Variants in E2F3 observed in about 807,000 individuals in gnomAD.
The protein encoded by E2F3 is E2F transcription factor 3, also known as transcription factor E2F3.
A neutral mutation model predicts 44.4 loss-of-function variants in E2F3; 11 were observed. The observed-to-expected ratio is 0.25, with a 90% CI of 0.16 to 0.41. The LOEUF (loss-of-function observed/expected upper bound fraction) is 0.41. Ranked by LOEUF, E2F3 falls within the 10% of genes least tolerant of loss-of-function variation. E2F3 has a pLI of 1.00. For synonymous variants in E2F3, 249 were observed against 253.0 expected (o/e 0.98, Z 0.15); for missense variants, 487 against 583.6 (o/e 0.83, Z 1.70).
intron 1 of E2F3, chr6:20,403,720 C>G: frequency 8.4e-7 from 1 of 1,186,990 alleles, no homozygotes; most frequent in East Asian, 3.1e-5. Context: ...CCCACCGGCG[C>G]CCGCCCTCGC....
chr6:20,471,537 C>A (rs1761889947), intron 1 of E2F3, among the ~76,000 whole-genome samples: 1 of 152,086 alleles, frequency 6.6e-6, no homozygotes, highest in South Asian at 2.1e-4. Context: ...GTGGAGACTG[C>A]ACCATTGCAC....
intron 1 of E2F3, among the ~76,000 whole-genome samples, chr6:20,477,015 A>T (rs1042853605): frequency 6.6e-6 from 1 of 152,224 alleles, no homozygotes; most frequent in African/African-American, 2.4e-5. Context: ...GAAACAGATG[A>T]AATAATTTTA....
intron 1 of E2F3, among the ~76,000 whole-genome samples, chr6:20,419,007 T>G (rs1420246671): frequency 6.6e-6 from 1 of 152,196 alleles, no homozygotes; most frequent in Non-Finnish European, 1.5e-5. Context: ...CTTTCCTTTT[T>G]ATAATCATTT....
intron 1 of E2F3, among the ~76,000 whole-genome samples, chr6:20,433,076 A>G (rs771013198): frequency 1.8e-4 from 28 of 152,176 alleles, no homozygotes; most frequent in Non-Finnish European, 3.2e-4. Context: ...AGTGCCCACA[A>G]TGTTGCCCGA....
At chr6:20,403,558 G>A (rs1193962428) in intron 1 of E2F3, 2 of 445,658 alleles carry the variant, frequency 4.5e-6, no homozygotes, top group Admixed American at 4.6e-5. Flanking sequence ...ACGCGCCTGT[G>A]ACTGGGGAGG....
chr6:20,468,705 C>T (rs977883890), intron 1 of E2F3, among the ~76,000 whole-genome samples: 3 of 152,162 alleles, frequency 2.0e-5, no homozygotes, highest in African/African-American at 7.2e-5. Flanking sequence ...TTCCAGTGAC[C>T]ATTGTCCATC....
chr6:20,492,982 C>T lies in E2F3; in HGVS notation c.*2552C>T, dbSNP rs145742366. On this transcript the variant is annotated 3_prime_UTR_variant, in exon 7 of 7. Coordinates refer to ENST00000346618, the MANE Select transcript of E2F3 (RefSeq NM_001949.5). ...GTTACAAGTGTGCAAATTATGACTG[C>T]GTGAGCCTTAGAAAATAAAATGTAT... The T allele has an allele frequency of 5.3e-4, 114 of 214,476 alleles. No homozygotes were observed. The highest frequency in any genetic ancestry group is 2.4e-3 in the African/African-American group (106 of 44,394). 13.3% of individuals were successfully genotyped at this position (214,476 alleles called of 1,614,324 possible).
At chr6:20,463,546 C>A (rs373655736) in intron 1 of E2F3, among the ~76,000 whole-genome samples, 25 of 152,120 alleles carry the variant, frequency 1.6e-4, no homozygotes, top group African/African-American at 6.0e-4. Context: ...GTGAAGAATT[C>A]TTTCGGCTTT....
At chr6:20,466,706 G>A (rs1473486812) in intron 1 of E2F3, among the ~76,000 whole-genome samples, 10 of 147,308 alleles carry the variant, frequency 6.8e-5, no homozygotes, top group South Asian at 2.2e-4. Flanking sequence ...TTTTTGAGAC[G>A]GAGTCTGGCT....
intron 1 of E2F3, among the ~76,000 whole-genome samples, chr6:20,475,567 A>C (rs1440534005): frequency 6.6e-6 from 1 of 152,044 alleles, no homozygotes; most frequent in Non-Finnish European, 1.5e-5. Flanking sequence ...TCCAGGCTGG[A>C]TTGCGGAGGC....
Position 20,491,588 on chromosome 6 carries a change from CA to C in E2F3, c.*1159del, listed in dbSNP as rs1043404996. 2.5e-5 allele frequency: 5 copies of C among 202,664 alleles called. No homozygotes were observed. Among genetic ancestry groups the C allele is most frequent in the African/African-American group, 1.1e-4 (5 of 43,534 alleles). 12.6% of individuals were successfully genotyped at this position (202,664 alleles called of 1,614,324 possible). On this transcript the variant is annotated 3_prime_UTR_variant, in exon 7 of 7. Coordinates refer to ENST00000346618, the MANE Select transcript of E2F3 (RefSeq NM_001949.5). ...CCTTGGGCTTCCCGGGCCCCTGTGA[CA>C]GGGGAAAGGGCTCTCTTACACCGCA...
In E2F3 at chr6:20,450,751, A is replaced by G. The variant is rs534818986; in HGVS notation, c.394-29095A>G. ...CTTGGTTGTCTTCCCGGGTTTTTAT[A>G]AAAGTTTTGGATTTTACACTTACCT... On this transcript the variant is annotated intron_variant, in intron 1 of 6. Coordinates refer to ENST00000346618, the MANE Select transcript of E2F3 (RefSeq NM_001949.5). Among the ~76,000 whole-genome samples, 17 of 152,194 alleles carry G rather than the reference A, an allele frequency of 1.1e-4. No individual in the cohort carries two copies. The East Asian group carries it at 3.3e-3, about 29-fold the overall frequency.
chr6:20,461,030 G>A lies in E2F3; in HGVS notation c.394-18816G>A, dbSNP rs540787932. Reference sequence around the variant, plus strand: ...AAAAAAAAAAAAAAAAAAAAGCCATGTATATTTTAAATATTAACACTGCCA... The same window carrying A: ...AAAAAAAAAAAAAAAAAAAAGCCATATATATTTTAAATATTAACACTGCCA... On this transcript the variant is annotated intron_variant, in intron 1 of 6. Transcript: ENST00000346618. 5.2e-5 allele frequency among the ~76,000 whole-genome samples: 7 copies of A among 135,272 alleles called. 1 individual carries two copies. Among genetic ancestry groups the A allele is most frequent in the South Asian group, 4.8e-4 (2 of 4,178 alleles). The allele number at this position is 135,272 out of a possible 152,430, so 88.7% of individuals were successfully genotyped here.
At chr6:20,434,774 G>A (rs776874800) in intron 1 of E2F3, among the ~76,000 whole-genome samples, 1 of 152,164 alleles carries the variant, frequency 6.6e-6, no homozygotes, top group Non-Finnish European at 1.5e-5. Context: ...GCTTTATAAT[G>A]CCTGTGGTCA....
chr6:20,447,167 G>GTTTA (rs901946794), intron 1 of E2F3, among the ~76,000 whole-genome samples: 1 of 152,184 alleles, frequency 6.6e-6, no homozygotes, highest in Non-Finnish European at 1.5e-5. Flanking sequence ...CGTTTGTCCT[G>GTTTA]TTTAGTGTCA....
At chr6:20,447,587 G>A (rs1185248724) in intron 1 of E2F3, among the ~76,000 whole-genome samples, 1 of 151,840 alleles carries the variant, frequency 6.6e-6, no homozygotes, top group Non-Finnish European at 1.5e-5. Flanking sequence ...GCCTCTAAGG[G>A]GTAAGGGCCG....
At chr6:20,469,318 A>C (rs1184471117) in intron 1 of E2F3, among the ~76,000 whole-genome samples, 1 of 152,230 alleles carries the variant, frequency 6.6e-6, no homozygotes. Context: ...ATGTCAGTAC[A>C]TTAGAACTAA....
chr6:20,432,466 C>T (rs1244279641), intron 1 of E2F3, among the ~76,000 whole-genome samples: 3 of 152,220 alleles, frequency 2.0e-5, no homozygotes, highest in South Asian at 2.1e-4. Flanking sequence ...AGGGGAAAGC[C>T]GTTTAGGTTT....
At chr6:20,441,351 TC>T (rs1269456195) in intron 1 of E2F3, among the ~76,000 whole-genome samples, 1 of 152,268 alleles carries the variant, frequency 6.6e-6, no homozygotes, top group African/African-American at 2.4e-5. Context: ...TCTTTTTATC[TC>T]TGAATAATAT....
Sources: allele counts gnomAD v4.1 joint callset (sites outside exome capture counted in the v4.1 genomes callset), GRCh38; gene constraint gnomAD v4.1.1; transcripts MANE v1.5; gene names NCBI Gene and HGNC (gene_info 2026-07-23, HGNC 2026-07-21).